The following APPL2 variants were observed in gnomAD, a reference collection of about 807,000 sequenced individuals.
The protein encoded by APPL2 is adaptor protein, phosphotyrosine interacting with PH domain and leucine zipper 2, also known as DCC-interacting protein 13-beta.
In APPL2, 84 loss-of-function variants were observed where a neutral mutation model predicts 92.7. The observed-to-expected ratio is 0.91, with a 90% CI of 0.76 to 1.09. The LOEUF (loss-of-function observed/expected upper bound fraction) is 1.09, where lower values mean the gene tolerates loss of function less well. APPL2 is among the 50% of genes least tolerant of loss of function. The pLI is 0.00. For synonymous variants in APPL2, 291 were observed against 291.0 expected, an observed-to-expected ratio of 1.00 and a Z score of 0.00; for missense variants, 736 against 824.5, an observed-to-expected ratio of 0.89 and a Z score of 1.31.
rs923136912 is a variant in APPL2 at position 105,207,857 on chromosome 12, T to C, written c.474+114A>G. ...GAATGAACAATTTTAAAAGTCCATG[T>C]ATAGTTAAAAAAAAAAATAACCACG... On this transcript the variant is annotated intron_variant, in intron 7 of 20. Coordinates refer to ENST00000258530, the MANE Select transcript of APPL2 (RefSeq NM_018171.5). 5.5e-5 allele frequency: 49 copies of C among 885,668 alleles called. 1 individual carries two copies. The highest frequency in any genetic ancestry group is 1.7e-4 in the African/African-American group (10 of 58,686). 54.9% of individuals were successfully genotyped at this position (885,668 alleles called of 1,614,324 possible).
At chr12:105,215,853 A>C (rs1889640713) in intron 4 of APPL2, among the ~76,000 whole-genome samples, 1 of 152,090 alleles carries the variant, frequency 6.6e-6, no homozygotes. Context: ...ATCCTGGCCA[A>C]GATTTTTAGT....
intron 2 of APPL2, among the ~76,000 whole-genome samples, chr12:105,224,006 CCAAGGTCACA>C (rs1890313929): frequency 6.6e-6 from 1 of 152,136 alleles, no homozygotes; most frequent in Non-Finnish European, 1.5e-5. Flanking sequence ...TCTGTGAAGT[CCAAGGTCACA>C]CACTTAACTC....
At chr12:105,196,110 C>T (rs1221580186) in intron 11 of APPL2, among the ~76,000 whole-genome samples, 1 of 151,888 alleles carries the variant, frequency 6.6e-6, no homozygotes, top group African/African-American at 2.4e-5. Context: ...AGGTCTGGCT[C>T]TGCCCTGATT....
chr12:105,192,357 T>C (rs974332174), intron 14 of APPL2, among the ~76,000 whole-genome samples: 64 of 152,230 alleles, frequency 4.2e-4, no homozygotes, highest in African/African-American at 1.5e-3. Flanking sequence ...CTAACTAACT[T>C]TGGAAAATGG....
intron 2 of APPL2, among the ~76,000 whole-genome samples, chr12:105,222,983 G>T: frequency 6.6e-6 from 1 of 152,250 alleles, no homozygotes; most frequent in East Asian, 1.9e-4. Context: ...AGAGTGGAGG[G>T]TGTGCAAAAG....
intron 4 of APPL2, among the ~76,000 whole-genome samples, chr12:105,216,013 C>T (rs1356067824): frequency 1.3e-5 from 2 of 152,038 alleles, no homozygotes; most frequent in Admixed American, 6.6e-5. Context: ...GGAAACAGAG[C>T]GAGACTCCGT....
intron 9 of APPL2, chr12:105,203,500 T>A: frequency 1.8e-6 from 1 of 553,420 alleles, no homozygotes; most frequent in Non-Finnish European, 3.2e-6. Flanking sequence ...CAACAAGAGA[T>A]CTGGAGAAAA....
intron 17 of APPL2, among the ~76,000 whole-genome samples, chr12:105,180,053 T>A (rs1054181077): frequency 7.2e-5 from 11 of 152,266 alleles, no homozygotes; most frequent in African/African-American, 2.7e-4. Context: ...TGCCCATGCC[T>A]CTGTCCTGAA....
At chr12:105,232,537 G>A (rs978039047) in intron 1 of APPL2, among the ~76,000 whole-genome samples, 6 of 152,102 alleles carry the variant, frequency 3.9e-5, no homozygotes, top group Non-Finnish European at 8.8e-5. Context: ...GGCCAAGACA[G>A]GAAGATTGGT....
At chr12:105,208,288 A>G in intron 5 of APPL2, 89 bp from the exon 6 acceptor site, 2 of 1,507,054 alleles carry the variant, frequency 1.3e-6, no homozygotes, top group Non-Finnish European at 1.8e-6. Flanking sequence ...AAATAAGAGA[A>G]TATGCGTGCA....
At chr12:105,218,492 G>C (rs953685439) in intron 2 of APPL2, among the ~76,000 whole-genome samples, 28 of 152,208 alleles carry the variant, frequency 1.8e-4, no homozygotes, top group Non-Finnish European at 1.9e-4. Context: ...ACAGTCTCCA[G>C]GGAACAGATG....
intron 2 of APPL2, among the ~76,000 whole-genome samples, chr12:105,228,298 A>G (rs570102782): frequency 6.6e-6 from 1 of 152,344 alleles, no homozygotes; most frequent in African/African-American, 2.4e-5. Context: ...CAAAACTCCA[A>G]AATGCTCCAA....
At chr12:105,218,442 G>T (rs1484535232) in intron 2 of APPL2, among the ~76,000 whole-genome samples, 2 of 152,196 alleles carry the variant, frequency 1.3e-5, no homozygotes, top group Non-Finnish European at 2.9e-5. Context: ...GATGAGAACT[G>T]CAAAAGAAAA....
In APPL2 at chr12:105,222,124, G is replaced by A. The variant is rs79774190; in HGVS notation, c.154-4399C>T. Among the ~76,000 whole-genome samples, 360 of 152,310 alleles carry A rather than the reference G, an allele frequency of 2.4e-3. 1 individual carries two copies. Among genetic ancestry groups the A allele is most frequent in the African/African-American group, 8.1e-3 (335 of 41,564 alleles). On this transcript the variant is annotated intron_variant, in intron 2 of 20. Transcript: ENST00000258530. ...CCCCTCGAGACAGGATGCACACAGGGAGTAGTGAGGGGTGTGGCAAGAACG... is the reference window on the plus strand; with the variant it reads ...CCCCTCGAGACAGGATGCACACAGGAAGTAGTGAGGGGTGTGGCAAGAACG...
chr12:105,230,664 T>C (rs1359812565), intron 1 of APPL2, among the ~76,000 whole-genome samples: 1 of 152,168 alleles, frequency 6.6e-6, no homozygotes, highest in Non-Finnish European at 1.5e-5. Context: ...AAAACTAGAA[T>C]AAGAACCTAT....
chr12:105,177,121 A>C (rs1885622087), intron 18 of APPL2, 105 bp from the exon 19 acceptor site: 6 of 1,596,442 alleles, frequency 3.8e-6, no homozygotes, highest in South Asian at 2.2e-5. Flanking sequence ...TATTAGTCCT[A>C]TTAGTGGCAG....
intron 14 of APPL2, among the ~76,000 whole-genome samples, chr12:105,193,317 G>A: frequency 6.6e-6 from 1 of 152,188 alleles, no homozygotes; most frequent in East Asian, 1.9e-4. Context: ...CTTGAGAGAT[G>A]GCATATCAGA....
rs146031724 is a variant in APPL2 at position 105,189,519 on chromosome 12, C to T, written c.1459+253G>A. Among the ~76,000 whole-genome samples the T allele has an allele frequency of 9.7e-4, 147 of 152,306 alleles. 2 individuals are homozygous for T. Among genetic ancestry groups the T allele is most frequent in the African/African-American group, 3.4e-3 (143 of 41,570 alleles). On this transcript the variant is annotated intron_variant, in intron 16 of 20. Transcript: ENST00000258530. ...TGAATGTGATAACAGATTCAGATTT[C>T]ACAACATTTCTATGCTATGCTACAA...
At chr12:105,194,192 C>G (rs983493873) in intron 14 of APPL2, among the ~76,000 whole-genome samples, 1 of 152,298 alleles carries the variant, frequency 6.6e-6, no homozygotes, top group Non-Finnish European at 1.5e-5. Context: ...TTAATTTACC[C>G]TTTAATGCCA....
Sources: allele counts gnomAD v4.1 joint callset (sites outside exome capture counted in the v4.1 genomes callset), GRCh38; gene constraint gnomAD v4.1.1; transcripts MANE v1.5; gene names NCBI Gene and HGNC (gene_info 2026-07-23, HGNC 2026-07-21).